The following TENM2 variants were observed in gnomAD, a reference collection of about 807,000 sequenced individuals.
TENM2 encodes teneurin-2.
TENM2 carries 52 observed loss-of-function variants against 245.2 expected under a neutral mutation model. The observed-to-expected ratio is 0.21, with a 90% CI of 0.17 to 0.27. TENM2 has a LOEUF of 0.27. Ranked by LOEUF, TENM2 falls within the 10% of genes least tolerant of loss-of-function variation. The pLI is 1.00. For missense variants in TENM2, 3,046 were observed against 3,666.8 expected, an observed-to-expected ratio of 0.83 and a Z score of 4.37; for synonymous variants, 1,363 against 1,438.9, an observed-to-expected ratio of 0.95 and a Z score of 1.19.
chr5:168,239,113 T>TG (rs907072124), intron 25 of TENM2, among the ~76,000 whole-genome samples: 8 of 152,194 alleles, frequency 5.3e-5, no homozygotes, highest in Admixed American at 2.6e-4. Context: ...TGCTCTAAAC[T>TG]GGGGGGGCAG....
the TENM2 span, among the ~76,000 whole-genome samples, chr5:167,064,175 C>T: frequency 6.6e-6 from 1 of 152,108 alleles, no homozygotes; most frequent in Admixed American, 6.6e-5. Context: ...CGGACGGGGG[C>T]CTGGGGGAGG....
At chr5:167,801,979 G>C (rs761121156) in intron 2 of TENM2, among the ~76,000 whole-genome samples, 2 of 152,100 alleles carry the variant, frequency 1.3e-5, no homozygotes, top group African/African-American at 2.4e-5. Flanking sequence ...TCTGGAGACT[G>C]AAAGTCCAAG....
At chr5:167,249,638 G>A in the TENM2 span, among the ~76,000 whole-genome samples, 2 of 152,076 alleles carry the variant, frequency 1.3e-5, no homozygotes, top group African/African-American at 2.4e-5. Context: ...GTCATTTAAG[G>A]AAGTTAGATA....
the TENM2 span, among the ~76,000 whole-genome samples, chr5:167,001,767 T>G: frequency 6.6e-6 from 1 of 152,140 alleles, no homozygotes; most frequent in African/African-American, 2.4e-5. Context: ...GATTGTTTTA[T>G]ACAGCAAAGC....
At chr5:168,010,273 T>C (rs566047583) in intron 5 of TENM2, among the ~76,000 whole-genome samples, 4 of 152,218 alleles carry the variant, frequency 2.6e-5, no homozygotes, top group East Asian at 1.9e-4. Flanking sequence ...TGAAAGCCTC[T>C]TTAAAATATA....
the TENM2 span, among the ~76,000 whole-genome samples, chr5:167,261,385 T>C: frequency 6.6e-6 from 1 of 152,168 alleles, no homozygotes; most frequent in African/African-American, 2.4e-5. Flanking sequence ...TTGTTACTCC[T>C]TATCACTGTT....
chr5:166,982,433 A>G, the TENM2 span, among the ~76,000 whole-genome samples: 1 of 151,954 alleles, frequency 6.6e-6, no homozygotes, highest in African/African-American at 2.4e-5. Flanking sequence ...AGTTTTTTTC[A>G]TTGTTTTCTT....
At chr5:167,279,756 G>T in the TENM2 span, among the ~76,000 whole-genome samples, 1,051 of 151,882 alleles carry the variant, frequency 6.9e-3, 7 homozygotes, top group Non-Finnish European at 0.012. Flanking sequence ...CTTCTATTTG[G>T]TTCCTGAGAA....
intron 2 of TENM2, among the ~76,000 whole-genome samples, chr5:167,401,390 A>G (rs1461802500): frequency 6.6e-6 from 1 of 152,098 alleles, no homozygotes; most frequent in African/African-American, 2.4e-5. Context: ...GGAATTCCTC[A>G]AATTATAATT....
chr5:168,154,147 T>TAAAAAAAAAAAAAAAAAAAAAAAA (rs70976465), intron 12 of TENM2, among the ~76,000 whole-genome samples: 9 of 85,064 alleles, frequency 1.1e-4, no homozygotes, highest in Admixed American at 1.4e-4. Context: ...TCACCTACTT[T>TAAAAAAAAAAAAAAAAAAAAAAAA]AAAAAAAAAA....
intron 7 of TENM2, among the ~76,000 whole-genome samples, chr5:168,066,396 T>G (rs1386936122): frequency 6.6e-6 from 1 of 152,168 alleles, no homozygotes; most frequent in Non-Finnish European, 1.5e-5. Context: ...CCTAATGACT[T>G]AAACATAAAA....
intron 3 of TENM2, among the ~76,000 whole-genome samples, chr5:167,879,134 T>C (rs1773673460): frequency 6.6e-6 from 1 of 152,146 alleles, no homozygotes; most frequent in African/African-American, 2.4e-5. Context: ...AACGAAAATG[T>C]TTTTCCCCAA....
At chr5:167,193,303 A>G in the TENM2 span, among the ~76,000 whole-genome samples, 10 of 152,030 alleles carry the variant, frequency 6.6e-5, no homozygotes, top group Admixed American at 6.6e-5. Context: ...TTGGGAAATC[A>G]CCATAGGTGT....
chr5:167,039,464 T>G, the TENM2 span, among the ~76,000 whole-genome samples: 95,665 of 152,006 alleles, frequency 0.63, 32,165 homozygotes, highest in African/African-American at 0.88. Context: ...CATTGTAATT[T>G]GCAGATTAGG....
intron 2 of TENM2, among the ~76,000 whole-genome samples, chr5:167,378,556 G>C (rs190087784): frequency 1.3e-4 from 20 of 151,948 alleles, no homozygotes; most frequent in Admixed American, 1.2e-3. Flanking sequence ...TAATGATTTG[G>C]CTAGAAATGG....
At chr5:167,176,337 T>C in the TENM2 span, among the ~76,000 whole-genome samples, 1 of 152,224 alleles carries the variant, frequency 6.6e-6, no homozygotes, top group African/African-American at 2.4e-5. Flanking sequence ...TTTGTGAAGC[T>C]TTTCTTGAAC....
At chr5:167,061,190 A>G in the TENM2 span, among the ~76,000 whole-genome samples, 1 of 152,096 alleles carries the variant, frequency 6.6e-6, no homozygotes, top group African/African-American at 2.4e-5. Context: ...ATTGGAAGAG[A>G]AAGTAGTCTT....
intron 2 of TENM2, among the ~76,000 whole-genome samples, chr5:167,619,075 C>T (rs548254473): frequency 5.9e-5 from 9 of 152,232 alleles, no homozygotes; most frequent in African/African-American, 2.2e-4. Flanking sequence ...CGTGGAAACA[C>T]TGCCCAGTGT....
the TENM2 span, among the ~76,000 whole-genome samples, chr5:167,254,052 A>C: frequency 4.6e-5 from 7 of 152,064 alleles, no homozygotes; most frequent in Non-Finnish European, 7.4e-5. Flanking sequence ...TATTTAATAC[A>C]AGTTGCTTGG....
Sources: allele counts gnomAD v4.1 joint callset (sites outside exome capture counted in the v4.1 genomes callset), GRCh38; gene constraint gnomAD v4.1.1; transcripts MANE v1.5; gene names NCBI Gene and HGNC (gene_info 2026-07-23, HGNC 2026-07-21).